Variants in FRMPD2 observed in about 807,000 individuals in gnomAD.
FRMPD2 encodes FERM and PDZ domain-containing protein 2.
A neutral mutation model predicts 140.1 loss-of-function variants in FRMPD2; 96 were observed. That is an observed-to-expected ratio of 0.69 (90% CI 0.58 to 0.81). The LOEUF is 0.81. Among genes scored for constraint, FRMPD2 ranks in the 40% least tolerant of loss-of-function variants. The pLI, the probability that FRMPD2 is intolerant of heterozygous loss-of-function variation, is 0.00. For missense variants in FRMPD2, 1,240 were observed against 1,447.4 expected (o/e 0.86, Z 2.32); for synonymous variants, 449 against 547.6 (o/e 0.82, Z 2.52).
At chr10:48,190,038 T>C (rs1429308206) in intron 16 of FRMPD2, among the ~76,000 whole-genome samples, 1 of 152,200 alleles carries the variant, frequency 6.6e-6, no homozygotes, top group Non-Finnish European at 1.5e-5. Flanking sequence ...GAGCAAGTAT[T>C]GGCAAAGGAC....
chr10:48,185,686 A>G, intron 17 of FRMPD2, 41 bp from the exon 18 acceptor site: 1 of 1,495,262 alleles, frequency 6.7e-7, no homozygotes, highest in South Asian at 1.1e-5. Context: ...CTTTTCCCCC[A>G]AATTATTTGG....
intron 12 of FRMPD2, among the ~76,000 whole-genome samples, chr10:48,215,276 G>A (rs61840044): frequency 0.034 from 5,221 of 152,244 alleles, 109 homozygotes; most frequent in Non-Finnish European, 0.042. Context: ...CAGCCACCGA[G>A]GCTCAGGCAG....
chr10:48,186,217 T>A (rs1339695399), intron 17 of FRMPD2, among the ~76,000 whole-genome samples: 1 of 152,202 alleles, frequency 6.6e-6, no homozygotes, highest in East Asian at 1.9e-4. Context: ...CACTTCAGTG[T>A]GTGCCACAGT....
Position 48,183,851 on chromosome 10 carries a change from C to CA in FRMPD2, c.2584+714dup, listed in dbSNP as rs57389978. Among the ~76,000 whole-genome samples, 123 of 76,748 alleles carry CA rather than the reference C, an allele frequency of 1.6e-3. 8 individuals are homozygous for CA. Among genetic ancestry groups the CA allele is most frequent in the East Asian group, 9.2e-3 (26 of 2,824 alleles). 50.3% of individuals were successfully genotyped at this position (76,748 alleles called of 152,430 possible). ...TGGGTGAAAGAGTGAGACTCCATCT[C>CA]AAAAAAAAAAAAGGAAAATCAAATA... On this transcript the variant is annotated intron_variant, in intron 20 of 28. Coordinates refer to ENST00000374201, the MANE Select transcript of FRMPD2 (RefSeq NM_001018071.4).
At chr10:48,209,217 G>C (rs1200132075) in intron 13 of FRMPD2, among the ~76,000 whole-genome samples, 1 of 152,042 alleles carries the variant, frequency 6.6e-6, no homozygotes. Context: ...GAAACTACAG[G>C]ATACAATCAT....
Position 48,235,633 on chromosome 10 carries a change from G to C in FRMPD2, c.993+849C>G, listed in dbSNP as rs149479711. ...CCCCACTCAAGCCCTGCCTCCAAGAGGCCCTGAGCAGAGGCCCAGAAAGCC... is the reference window on the plus strand; with the variant it reads ...CCCCACTCAAGCCCTGCCTCCAAGACGCCCTGAGCAGAGGCCCAGAAAGCC... On this transcript the variant is annotated intron_variant, in intron 9 of 28. Transcript: ENST00000374201. Among the ~76,000 whole-genome samples, 1,392 of 152,310 alleles carry C rather than the reference G, an allele frequency of 9.1e-3. 20 individuals are homozygous for C. The highest frequency in any genetic ancestry group is 0.072 in the South Asian group (346 of 4,826).
intron 15 of FRMPD2, among the ~76,000 whole-genome samples, chr10:48,193,518 T>G (rs965052385): frequency 1.3e-5 from 2 of 152,212 alleles, no homozygotes; most frequent in African/African-American, 4.8e-5. Flanking sequence ...GTCTTGAACT[T>G]AAGACCATGG....
At chr10:48,207,330 T>C (rs1464337201) in intron 13 of FRMPD2, among the ~76,000 whole-genome samples, 1 of 152,198 alleles carries the variant, frequency 6.6e-6, no homozygotes, top group Admixed American at 6.5e-5. Flanking sequence ...GAGTCTATAG[T>C]ATTCTCTGTT....
chr10:48,183,971 G>T (rs1420413800), intron 20 of FRMPD2, among the ~76,000 whole-genome samples: 1 of 152,074 alleles, frequency 6.6e-6, no homozygotes, highest in Non-Finnish European at 1.5e-5. Flanking sequence ...TGAGGGAGGA[G>T]GATGGGAGGA....
Position 48,222,339 on chromosome 10 carries a change from C to G in FRMPD2, c.1429G>C (p.Ala477Pro). The G allele has an allele frequency of 6.2e-7, 1 of 1,614,130 alleles. No homozygotes were observed. The highest frequency in any genetic ancestry group is 8.5e-7 in the Non-Finnish European group (1 of 1,179,972). ...LLQLGVLALQ[A>P]EFGNYPKEQV... is the part of the protein sequence containing the mutation. ...TCCTTAGGGTAATTGCCAAACTCAGCCTGCAAGGCAAGGACCCCCAGCTGC... is the reference window on the plus strand; with the variant it reads ...TCCTTAGGGTAATTGCCAAACTCAGGCTGCAAGGCAAGGACCCCCAGCTGC... The change falls in exon 12 of 29, where the codon GCT (alanine) becomes CCT (proline). Residue 477 changes from alanine (A) to proline (P), a missense_variant. By Grantham distance (27) the Ala-to-Pro change is conservative. Around this residue, in one of 6 missense-constraint regions of FRMPD2, gnomAD observed 1,161 missense variants for 1,055.9 expected, o/e 1.10. Transcript: ENST00000374201.
In FRMPD2 at chr10:48,182,283, T is replaced by A. The variant is rs188359113; in HGVS notation, c.2585-1275A>T. On this transcript the variant is annotated intron_variant, in intron 20 of 28. Transcript: ENST00000374201. ...TGGCAGTGTCATAAGCATCGGCTCA[T>A]TCTCTTCCACATCCTCCATGAGAGG... 4.6e-3 allele frequency among the ~76,000 whole-genome samples: 701 copies of A among 152,348 alleles called. 3 individuals are homozygous for A. The highest frequency in any genetic ancestry group is 8.3e-3 in the South Asian group (40 of 4,832).
intron 14 of FRMPD2, among the ~76,000 whole-genome samples, chr10:48,205,999 A>G (rs1009412803): frequency 6.6e-6 from 1 of 152,162 alleles, no homozygotes; most frequent in African/African-American, 2.4e-5. Flanking sequence ...ACATTTTTTC[A>G]GGGGCCGCAA....
At chr10:48,222,639 C>T (rs1373869680) in intron 11 of FRMPD2, among the ~76,000 whole-genome samples, 188 bp from the exon 12 acceptor site, 1 of 152,198 alleles carries the variant, frequency 6.6e-6, no homozygotes, top group Non-Finnish European at 1.5e-5. Context: ...TCCTGCCCCT[C>T]GTTTAGGGCC....
intron 28 of FRMPD2, among the ~76,000 whole-genome samples, chr10:48,158,112 A>G (rs1441521090): frequency 6.6e-6 from 1 of 151,284 alleles, no homozygotes; most frequent in East Asian, 1.9e-4. Context: ...AGCTCCAGCT[A>G]CTGGCTCTGC....
At chr10:48,260,219 A>G (rs1840560189) in intron 1 of FRMPD2, among the ~76,000 whole-genome samples, 1 of 152,080 alleles carries the variant, frequency 6.6e-6, no homozygotes, top group Admixed American at 6.6e-5. Flanking sequence ...ACATATATGT[A>G]TAGATAGATA....
intron 13 of FRMPD2, among the ~76,000 whole-genome samples, chr10:48,210,393 A>G (rs1027074897): frequency 1.3e-5 from 2 of 152,246 alleles, no homozygotes; most frequent in African/African-American, 4.8e-5. Flanking sequence ...TTTGCTTCTC[A>G]GCCTGGTAGT....
At chr10:48,222,614 C>A (rs529061200) in intron 11 of FRMPD2, among the ~76,000 whole-genome samples, 163 bp from the exon 12 acceptor site, 7 of 152,346 alleles carry the variant, frequency 4.6e-5, no homozygotes, top group Admixed American at 1.3e-4. Context: ...TGGTCTCCTG[C>A]ATTTATACCA....
intron 16 of FRMPD2, among the ~76,000 whole-genome samples, chr10:48,189,005 C>T (rs575511133): frequency 2.0e-5 from 3 of 152,254 alleles, no homozygotes; most frequent in East Asian, 3.9e-4. Context: ...TGGGGATGGA[C>T]TTTCGTGATG....
intron 1 of FRMPD2, among the ~76,000 whole-genome samples, chr10:48,267,129 A>G (rs1340221843): frequency 6.6e-6 from 1 of 152,194 alleles, no homozygotes; most frequent in Non-Finnish European, 1.5e-5. Flanking sequence ...GTCTCATATC[A>G]TAGTACCCAA....
Sources: allele counts gnomAD v4.1 joint callset (sites outside exome capture counted in the v4.1 genomes callset), GRCh38; gene constraint gnomAD v4.1.1; regional missense constraint gnomAD v4.1.1; transcripts MANE v1.5; gene names NCBI Gene and HGNC (gene_info 2026-07-23, HGNC 2026-07-21).